Variants in CD226 observed in about 807,000 individuals in gnomAD.
The protein encoded by CD226 is CD226 antigen.
CD226 carries 24 observed loss-of-function variants against 34.9 expected under a neutral mutation model. The observed-to-expected ratio is 0.69, with a 90% CI of 0.50 to 0.97. The LOEUF is 0.97. Ranked by LOEUF, CD226 falls within the 50% of genes least tolerant of loss-of-function variation. The pLI is 0.00. For synonymous variants in CD226, 148 were observed against 147.4 expected (o/e 1.00, Z -0.03); for missense variants, 397 against 412.7 (o/e 0.96, Z 0.33).
At chr18:69,894,198 C>T (rs892468779) in intron 3 of CD226, among the ~76,000 whole-genome samples, 1 of 149,836 alleles carries the variant, frequency 6.7e-6, no homozygotes, top group East Asian at 2.0e-4. Flanking sequence ...CTATATGGAC[C>T]TCTATATTTG....
At chr18:69,886,192 T>C (rs536030152) in intron 3 of CD226, among the ~76,000 whole-genome samples, 1 of 152,214 alleles carries the variant, frequency 6.6e-6, no homozygotes, top group East Asian at 1.9e-4. Flanking sequence ...CTGAGATAAG[T>C]CCCGTCAACT....
chr18:69,892,236 C>A (rs1984947129), intron 3 of CD226, among the ~76,000 whole-genome samples: 1 of 152,216 alleles, frequency 6.6e-6, no homozygotes, highest in Admixed American at 6.5e-5. Context: ...GATTTTATTT[C>A]TTTTGCCTTC....
intron 3 of CD226, among the ~76,000 whole-genome samples, chr18:69,875,533 A>C (rs934904467): frequency 4.6e-5 from 7 of 152,198 alleles, no homozygotes; most frequent in Non-Finnish European, 1.0e-4. Context: ...CCTTTTCTCC[A>C]CATCCTCACC....
At chr18:69,906,260 T>G (rs1158628067) in intron 2 of CD226, among the ~76,000 whole-genome samples, 1 of 152,214 alleles carries the variant, frequency 6.6e-6, no homozygotes. Context: ...AACTTACATA[T>G]TTTGACTTCC....
chr18:69,934,279 T>TACACACACAC (rs760259895), intron 2 of CD226, among the ~76,000 whole-genome samples: 182 of 73,208 alleles, frequency 2.5e-3, no homozygotes, highest in South Asian at 4.4e-3. Flanking sequence ...ACACAGAGGA[T>TACACACACAC]ACACACACAC....
At chr18:69,901,558 T>C (rs925186185) in intron 2 of CD226, among the ~76,000 whole-genome samples, 3 of 152,136 alleles carry the variant, frequency 2.0e-5, no homozygotes, top group African/African-American at 7.2e-5. Context: ...TTGTATATGT[T>C]TGAAACTTCC....
chr18:69,883,270 C>T (rs767688423), intron 3 of CD226, among the ~76,000 whole-genome samples: 1 of 151,912 alleles, frequency 6.6e-6, no homozygotes, highest in Non-Finnish European at 1.5e-5. Context: ...ACTTTAAAAC[C>T]GTTGTTTTTT....
In CD226 at chr18:69,861,542, G is replaced by GTATA. The variant is rs1426781436; in HGVS notation, c.*2768_*2771dup. ...TTATCCATCGATATAAATTATATGT[G>GTATA]TATATATATATGTATATATATATAT... is the stretch of plus-strand genomic sequence containing the variant. On this transcript the variant is annotated 3_prime_UTR_variant, in exon 6 of 6. Transcript: ENST00000582621. 2 of 41,544 alleles carry GTATA rather than the reference G, an allele frequency of 4.8e-5. No homozygotes were observed. The highest frequency in any genetic ancestry group is 1.1e-3 in the East Asian group (1 of 912). 2.6% of individuals were successfully genotyped at this position (41,544 alleles called of 1,614,324 possible). A position where few individuals can be genotyped will look rare whatever the true frequency, so the allele number is the denominator to read the frequency against.
intron 2 of CD226, among the ~76,000 whole-genome samples, chr18:69,914,273 A>G (rs2055359995): frequency 6.6e-6 from 1 of 152,226 alleles, no homozygotes; most frequent in Admixed American, 6.5e-5. Context: ...GACTGCTTCA[A>G]GTCAATCACC....
At chr18:69,936,227 CTCT>C (rs1328758171) in intron 2 of CD226, among the ~76,000 whole-genome samples, 1 of 34,602 alleles carries the variant, frequency 2.9e-5, no homozygotes, top group Non-Finnish European at 5.2e-4. Flanking sequence ...TTTAAACTTT[CTCT>C]TTTTTTTTGA....
At chr18:69,907,458 C>T (rs2055269549) in intron 2 of CD226, among the ~76,000 whole-genome samples, 1 of 152,184 alleles carries the variant, frequency 6.6e-6, no homozygotes, top group Non-Finnish European at 1.5e-5. Flanking sequence ...CAGGCACACA[C>T]CACCATGCCC....
At chr18:69,949,645 CCA>C (rs2055830805), upstream of CD226, among the ~76,000 whole-genome samples, 1 of 151,910 alleles carries the variant, frequency 6.6e-6, no homozygotes, top group South Asian at 2.1e-4. Context: ...ATGCATGAAC[CCA>C]CACATGCTGT....
upstream of CD226, among the ~76,000 whole-genome samples, chr18:69,948,934 G>A (rs547048321): frequency 5.3e-5 from 8 of 152,154 alleles, no homozygotes; most frequent in Non-Finnish European, 1.0e-4. Context: ...CAAGTCATTT[G>A]CTAAGTTTTA....
intron 2 of CD226, among the ~76,000 whole-genome samples, chr18:69,933,620 C>A (rs993657109): frequency 2.6e-5 from 4 of 152,194 alleles, no homozygotes; most frequent in Non-Finnish European, 5.9e-5. Flanking sequence ...TTCCTCACAG[C>A]AAACAATAAT....
At chr18:69,880,381 GGGAAAGA>G (rs1984171364) in intron 3 of CD226, among the ~76,000 whole-genome samples, 1 of 143,072 alleles carries the variant, frequency 7.0e-6, no homozygotes, top group African/African-American at 2.6e-5. Context: ...AGGAAGGAAG[GGGAAAGA>G]AAGAAAGAAG....
chr18:69,937,069 T>C (rs1000444042), intron 2 of CD226, among the ~76,000 whole-genome samples: 2 of 152,180 alleles, frequency 1.3e-5, no homozygotes, highest in African/African-American at 4.8e-5. Flanking sequence ...AAAGCCGAAA[T>C]GAAAGTGTGC....
chr18:69,861,542 G>GTGTATATATATATA lies in CD226; in HGVS notation c.*2771_*2772insTATATATATATACA, dbSNP rs1555675775. Reference sequence around the variant, plus strand: ...TTATCCATCGATATAAATTATATGTGTATATATATATGTATATATATATAT... The same window carrying GTGTATATATATATA: ...TTATCCATCGATATAAATTATATGTGTGTATATATATATATATATATATATGTATATATATATAT... On this transcript the variant is annotated 3_prime_UTR_variant, in exon 6 of 6. Coordinates refer to ENST00000582621, the MANE Select transcript of CD226 (RefSeq NM_001303618.2). The GTGTATATATATATA allele has an allele frequency of 2.4e-5, 1 of 41,526 alleles. No individual in the cohort carries two copies. The highest frequency in any genetic ancestry group is 6.5e-5 in the Non-Finnish European group (1 of 15,316). 2.6% of individuals were successfully genotyped at this position (41,526 alleles called of 1,614,324 possible). A position where few individuals can be genotyped will look rare whatever the true frequency, so the allele number is the denominator to read the frequency against.
At chr18:69,871,001 T>G (rs1983487103) in intron 4 of CD226, among the ~76,000 whole-genome samples, 1 of 152,236 alleles carries the variant, frequency 6.6e-6, no homozygotes, top group South Asian at 2.1e-4. Flanking sequence ...AATCTCCTTT[T>G]ATCACATTTA....
chr18:69,867,628 G>A (rs1390086650), intron 4 of CD226, among the ~76,000 whole-genome samples: 1 of 151,970 alleles, frequency 6.6e-6, no homozygotes, highest in Non-Finnish European at 1.5e-5. Flanking sequence ...GCAACTAAAT[G>A]GATATCTAAC....
Sources: allele counts gnomAD v4.1 joint callset (sites outside exome capture counted in the v4.1 genomes callset), GRCh38; gene constraint gnomAD v4.1.1; transcripts MANE v1.5; gene names NCBI Gene and HGNC (gene_info 2026-07-23, HGNC 2026-07-21).